The following PCGF3 variants were observed in gnomAD, a reference collection of about 807,000 sequenced individuals.
The protein encoded by PCGF3 is polycomb group RING finger protein 3.
A neutral mutation model predicts 33.1 loss-of-function variants in PCGF3; 7 were observed. That is an observed-to-expected ratio of 0.21 (90% CI 0.12 to 0.40). The LOEUF (loss-of-function observed/expected upper bound fraction) is 0.40, where lower values mean the gene tolerates loss of function less well. Ranked by LOEUF, PCGF3 falls within the 10% of genes least tolerant of loss-of-function variation. The probability of loss-of-function intolerance (pLI) is 1.00; values close to 1 mark genes in which losing one functional copy is unlikely to be tolerated. For missense variants in PCGF3, 211 were observed against 313.3 expected, an observed-to-expected ratio of 0.67 and a Z score of 2.46; for synonymous variants, 153 against 121.3, an observed-to-expected ratio of 1.26 and a Z score of -1.72.
intron 1 of PCGF3, chr4:723,729 G>C (rs1743213242): frequency 6.5e-6 from 1 of 153,152 alleles, no homozygotes; most frequent in African/African-American, 2.4e-5. Flanking sequence ...GAGCTGAGCG[G>C]GCAGCCCAGG....
intron 9 of PCGF3, among the ~76,000 whole-genome samples, chr4:763,169 A>G (rs1218650066): frequency 1.3e-5 from 2 of 152,132 alleles, no homozygotes; most frequent in Non-Finnish European, 2.9e-5. Flanking sequence ...AAATGGGGCA[A>G]CGCTTTTTGC....
intron 8 of PCGF3, among the ~76,000 whole-genome samples, chr4:753,413 G>A (rs980971307): frequency 2.6e-5 from 4 of 152,170 alleles, no homozygotes; most frequent in African/African-American, 9.7e-5. Context: ...CCAGCATATT[G>A]GGAGGCCGAG....
At chr4:734,848 C>T (rs779234968) in intron 4 of PCGF3, 83 bp from the exon 5 acceptor site, 42 of 1,525,122 alleles carry the variant, frequency 2.8e-5, no homozygotes, top group African/African-American at 8.2e-5. Flanking sequence ...AGCTCAGAGA[C>T]GCCCGTGTTC....
intron 1 of PCGF3, among the ~76,000 whole-genome samples, chr4:726,588 ATCT>A (rs1347983361): frequency 3.3e-5 from 5 of 152,022 alleles, no homozygotes; most frequent in Non-Finnish European, 5.9e-5. Flanking sequence ...TGTCTCGTAA[ATCT>A]TCTCCTCATC....
At chr4:751,140 G>A (rs145315280) in intron 8 of PCGF3, among the ~76,000 whole-genome samples, 3 of 152,158 alleles carry the variant, frequency 2.0e-5, no homozygotes, top group Non-Finnish European at 2.9e-5. Context: ...TTCTCTTTCT[G>A]TTCTTCTTGT....
At chr4:762,132 C>T in intron 9 of PCGF3, 1 of 969,732 alleles carries the variant, frequency 1.0e-6, no homozygotes, top group Non-Finnish European at 1.2e-6. Context: ...AGAAGATAAG[C>T]CACATCCTAA....
intron 1 of PCGF3, among the ~76,000 whole-genome samples, chr4:712,514 C>T (rs773397591): frequency 6.6e-6 from 1 of 152,242 alleles, no homozygotes. Flanking sequence ...GTGGCGCGAT[C>T]TCGGCTCACT....
At chr4:715,342 T>C (rs1742769013) in intron 1 of PCGF3, among the ~76,000 whole-genome samples, 1 of 138,330 alleles carries the variant, frequency 7.2e-6, no homozygotes, top group African/African-American at 2.7e-5. Flanking sequence ...GAACTGGGCG[T>C]CGGTGCTGGG....
intron 8 of PCGF3, among the ~76,000 whole-genome samples, chr4:752,547 C>T (rs2152606372): frequency 6.6e-6 from 1 of 152,300 alleles, no homozygotes; most frequent in South Asian, 2.1e-4. Context: ...CCTCCGGGGA[C>T]CGGGCGGGCA....
At chr4:756,255 C>G (rs994654775) in intron 8 of PCGF3, among the ~76,000 whole-genome samples, 2 of 150,638 alleles carry the variant, frequency 1.3e-5, no homozygotes, top group African/African-American at 4.9e-5. Flanking sequence ...CTCTGTCGCC[C>G]AGGCTGGAGT....
intron 8 of PCGF3, chr4:757,131 GTAAACAT>G: frequency 6.6e-6 from 1 of 152,328 alleles, no homozygotes; most frequent in African/African-American, 2.4e-5. Flanking sequence ...CTGAGCAAAC[GTAAACAT>G]ATTTTCTTCT....
exon 11 of PCGF3, chr4:769,889 G>C (rs1159010614): frequency 6.6e-6 from 1 of 152,660 alleles, no homozygotes; most frequent in Non-Finnish European, 1.5e-5. Flanking sequence ...GAAGATACAT[G>C]TGTTTGACTG....
exon 11 of PCGF3, chr4:766,561 TGAA>T (rs1197936039): frequency 2.0e-5 from 3 of 152,542 alleles, no homozygotes; most frequent in Non-Finnish European, 2.9e-5. Flanking sequence ...TTTAGCTTCT[TGAA>T]GATTTAGAAG....
chr4:741,766 T>C (rs1056016547), intron 6 of PCGF3, among the ~76,000 whole-genome samples: 2 of 152,180 alleles, frequency 1.3e-5, no homozygotes, highest in Admixed American at 6.5e-5. Flanking sequence ...TTTTAATCCT[T>C]CTTTATTCTT....
At chr4:743,661 C>G in intron 7 of PCGF3, 77 bp downstream of exon 7, 2 of 828,938 alleles carry the variant, frequency 2.4e-6, no homozygotes, top group East Asian at 2.6e-5. Flanking sequence ...CTGGCGCTGT[C>G]TGCCGGCCCC....
chr4:711,347 T>G (rs1424738851), intron 1 of PCGF3, among the ~76,000 whole-genome samples: 3 of 152,252 alleles, frequency 2.0e-5, no homozygotes, highest in Non-Finnish European at 2.9e-5. Flanking sequence ...CTTGTTTTGG[T>G]GTATGCTGTT....
rs879858641 is a variant in PCGF3, at chr4:720,579, C to CGGGCAGTGACGTGCGTGTGGACCCGGG, written c.-189-10050_-189-10049insGGCAGTGACGTGCGTGTGGACCCGGGG. Among the ~76,000 whole-genome samples the CGGGCAGTGACGTGCGTGTGGACCCGGG allele has an allele frequency of 0.014, 2,005 of 148,036 alleles. 109 individuals are homozygous for CGGGCAGTGACGTGCGTGTGGACCCGGG. Among genetic ancestry groups the CGGGCAGTGACGTGCGTGTGGACCCGGG allele is most frequent in the South Asian group, 0.034 (154 of 4,560 alleles). On this transcript the variant is annotated intron_variant, in intron 1 of 10. Transcript: ENST00000362003. The surrounding 1 kb of genome is among the most constrained non-coding windows in gnomAD (Gnocchi z 5.6). ...CAGCCCCGACGTGAACAGGACCCCA[C>CGGGCAGTGACGTGCGTGTGGACCCGGG]GTGGACGGGCAGTGACGTGCGTGTG...
intron 8 of PCGF3, among the ~76,000 whole-genome samples, chr4:752,413 C>A (rs1020489214): frequency 6.6e-6 from 1 of 152,228 alleles, no homozygotes; most frequent in East Asian, 1.9e-4. Flanking sequence ...CCAGAACTCT[C>A]CTTTCTGGAG....
chr4:761,196 T>C, intron 8 of PCGF3, 83 bp from the exon 9 acceptor site: 3 of 1,177,030 alleles, frequency 2.5e-6, no homozygotes, highest in Non-Finnish European at 3.5e-6. Context: ...GATTGAGGAA[T>C]TAGTGAAATA....
Sources: gnomAD v4.1 joint callset for allele counts (sites outside exome capture counted in the v4.1 genomes callset) on GRCh38, gnomAD v4.1.1 for gene constraint, Gnocchi (gnomAD v3.1) non-coding constraint, MANE v1.5 for transcripts, NCBI Gene and HGNC (gene_info 2026-07-23, HGNC 2026-07-21) for gene names.